GALNT13: variants seen among roughly 807,000 people sequenced by gnomAD.
The protein encoded by GALNT13 is UDP-GalNAc:polypeptide N-acetylgalactosaminyltransferase 13.
A neutral mutation model predicts 64.2 loss-of-function variants in GALNT13; 28 were observed. That is an observed-to-expected ratio of 0.44 (90% CI 0.32 to 0.60). GALNT13 has a LOEUF of 0.60. Ranked by LOEUF, GALNT13 falls within the 20% of genes least tolerant of loss-of-function variation. The pLI, the probability that GALNT13 is intolerant of heterozygous loss-of-function variation, is 0.05. For missense variants in GALNT13, 577 were observed against 669.8 expected (o/e 0.86, Z 1.53); for synonymous variants, 214 against 224.6 (o/e 0.95, Z 0.42).
At chr2:154,168,672 TTA>T (rs547081015) in intron 4 of GALNT13, among the ~76,000 whole-genome samples, 12,324 of 118,858 alleles carry the variant, frequency 0.1, 1,552 homozygotes, top group East Asian at 0.67. Flanking sequence ...ATCTCTACTA[TTA>T]AAAAAAAAAA....
chr2:154,254,180 T>C (rs559157968), intron 7 of GALNT13, among the ~76,000 whole-genome samples: 1 of 152,234 alleles, frequency 6.6e-6, no homozygotes, highest in South Asian at 2.1e-4. Flanking sequence ...TGTGAACAAA[T>C]ATACCAAGGC....
chr2:154,079,520 A>G (rs146563803), intron 3 of GALNT13, among the ~76,000 whole-genome samples: 1 of 151,758 alleles, frequency 6.6e-6, no homozygotes, highest in East Asian at 1.9e-4. Flanking sequence ...CTCTTGGAAG[A>G]GACCACACAG....
intron 3 of GALNT13, among the ~76,000 whole-genome samples, chr2:154,024,621 C>G (rs762311814): frequency 6.6e-6 from 1 of 152,028 alleles, no homozygotes; most frequent in Non-Finnish European, 1.5e-5. Flanking sequence ...CTTTTAACTT[C>G]TTTGCCATTG....
chr2:153,689,484 T>C, the GALNT13 span, among the ~76,000 whole-genome samples: 2 of 152,028 alleles, frequency 1.3e-5, no homozygotes. Flanking sequence ...CTTTAATAAA[T>C]CCCGTTTAAT....
chr2:153,683,893 G>A, the GALNT13 span, among the ~76,000 whole-genome samples: 1 of 151,572 alleles, frequency 6.6e-6, no homozygotes, highest in African/African-American at 2.4e-5. Context: ...ACCAGTGATG[G>A]CAGAAAGAAG....
the GALNT13 span, among the ~76,000 whole-genome samples, chr2:153,162,176 A>G: frequency 6.6e-6 from 1 of 152,180 alleles, no homozygotes; most frequent in African/African-American, 2.4e-5. Flanking sequence ...CAATGCTGAC[A>G]GGTATCAGTC....
chr2:153,455,339 T>C, the GALNT13 span, among the ~76,000 whole-genome samples: 1 of 152,216 alleles, frequency 6.6e-6, no homozygotes, highest in African/African-American at 2.4e-5. Context: ...AGTAGAATAT[T>C]TCCCTGACCC....
the GALNT13 span, among the ~76,000 whole-genome samples, chr2:153,671,576 G>C: frequency 6.6e-6 from 1 of 152,082 alleles, no homozygotes; most frequent in Non-Finnish European, 1.5e-5. Context: ...AGGAACAACC[G>C]GTACTAGCCA....
chr2:153,979,878 A>G (rs1316111895), intron 3 of GALNT13, among the ~76,000 whole-genome samples: 2 of 152,162 alleles, frequency 1.3e-5, no homozygotes, highest in Admixed American at 6.5e-5. Flanking sequence ...AAGGTAGATT[A>G]TATTCTTCCT....
chr2:154,414,835 G>A (rs1699940612), intron 11 of GALNT13, among the ~76,000 whole-genome samples: 1 of 151,506 alleles, frequency 6.6e-6, no homozygotes, highest in Non-Finnish European at 1.5e-5. Context: ...TAAAACCAAT[G>A]TTTGCCTTAA....
the GALNT13 span, among the ~76,000 whole-genome samples, chr2:153,698,826 C>A: frequency 6.6e-6 from 1 of 152,190 alleles, no homozygotes. Context: ...AAATCAACTG[C>A]ATAATTGGAA....
chr2:154,199,902 C>T (rs1310733986), intron 4 of GALNT13, among the ~76,000 whole-genome samples: 1 of 151,928 alleles, frequency 6.6e-6, no homozygotes, highest in Non-Finnish European at 1.5e-5. Context: ...GGATTGAAAG[C>T]ATAATAAATT....
chr2:153,116,794 C>CTTTT, the GALNT13 span, among the ~76,000 whole-genome samples: 1,269 of 82,104 alleles, frequency 0.015, 9 homozygotes, highest in Non-Finnish European at 0.02. Flanking sequence ...GTGTTGTCTT[C>CTTTT]TTTTTTTTTT....
the GALNT13 span, among the ~76,000 whole-genome samples, chr2:153,751,509 C>G: frequency 3.8e-3 from 570 of 151,768 alleles, 1 homozygote; most frequent in Non-Finnish European, 6.1e-3. Flanking sequence ...TCTATGTGCT[C>G]TCATGTTGGG....
the GALNT13 span, among the ~76,000 whole-genome samples, chr2:153,291,831 C>T: frequency 3.3e-5 from 5 of 150,828 alleles, no homozygotes; most frequent in South Asian, 2.1e-4. Context: ...TCTGGAGACA[C>T]GTAGGGGAAA....
At chr2:154,154,456 A>G (rs531166009) in intron 4 of GALNT13, among the ~76,000 whole-genome samples, 6 of 152,290 alleles carry the variant, frequency 3.9e-5, no homozygotes, top group African/African-American at 1.4e-4. Context: ...CAACAAGGAG[A>G]TTTTAGAACA....
At chr2:153,076,154 T>A in the GALNT13 span, among the ~76,000 whole-genome samples, 1 of 152,144 alleles carries the variant, frequency 6.6e-6, no homozygotes, top group Non-Finnish European at 1.5e-5. Flanking sequence ...AAAGGCTAAG[T>A]GAAGTTGTAT....
the GALNT13 span, among the ~76,000 whole-genome samples, chr2:153,367,766 G>T: frequency 1.3e-5 from 2 of 151,990 alleles, no homozygotes; most frequent in Non-Finnish European, 2.9e-5. Context: ...TAATAATAGG[G>T]TGTATGTTGT....
At chr2:153,253,277 G>A in the GALNT13 span, among the ~76,000 whole-genome samples, 1 of 147,564 alleles carries the variant, frequency 6.8e-6, no homozygotes, top group African/African-American at 2.5e-5. Context: ...TTTGTCTGTT[G>A]TTGGTGTATT....
Sources: allele counts gnomAD v4.1 joint callset (sites outside exome capture counted in the v4.1 genomes callset), GRCh38; gene constraint gnomAD v4.1.1; transcripts MANE v1.5; gene names NCBI Gene and HGNC (gene_info 2026-07-23, HGNC 2026-07-21).